ZFR: variants seen among roughly 807,000 people sequenced by gnomAD.
The protein encoded by ZFR is zinc finger RNA binding protein.
A neutral mutation model predicts 130.7 loss-of-function variants in ZFR; 19 were observed. That is an observed-to-expected ratio of 0.15 (90% CI 0.10 to 0.21). ZFR has a LOEUF of 0.21. Ranked by LOEUF, ZFR falls within the 10% of genes least tolerant of loss-of-function variation. The pLI is 1.00. For missense variants in ZFR, 872 were observed against 1,321.5 expected (o/e 0.66, Z 5.27); for synonymous variants, 466 against 456.9 (o/e 1.02, Z -0.25).
intron 4 of ZFR, among the ~76,000 whole-genome samples, chr5:32,415,516 G>GTGTGCA (rs61598066): frequency 1.3e-5 from 1 of 77,200 alleles, no homozygotes; most frequent in Non-Finnish European, 2.5e-5. Context: ...GTGTGTGTGT[G>GTGTGCA]CGCGCGCGCG....
In ZFR at chr5:32,357,880, G is replaced by A. The variant is rs564170038; in HGVS notation, c.3046-1941C>T. Among the ~76,000 whole-genome samples, 229 of 152,230 alleles carry A rather than the reference G, an allele frequency of 1.5e-3. 2 individuals are homozygous for A. The highest frequency in any genetic ancestry group is 5.2e-3 in the African/African-American group (214 of 41,524). On this transcript the variant is annotated intron_variant, in intron 19 of 19. Transcript: ENST00000265069. ...TTTTTCCACTGATTTGAAGCATCAG[G>A]TCTGTCATACATTAATTCCCTTATA...
chr5:32,408,257 G>A (rs1581701902), intron 5 of ZFR, among the ~76,000 whole-genome samples: 1 of 142,806 alleles, frequency 7.0e-6, no homozygotes, highest in East Asian at 2.1e-4. Context: ...TTATAGATCT[G>A]TTCTAAAAAC....
intron 4 of ZFR, among the ~76,000 whole-genome samples, chr5:32,415,528 G>GTGCGCA (rs1326792055): frequency 2.6e-5 from 4 of 151,306 alleles, no homozygotes; most frequent in East Asian, 1.9e-4. Context: ...GCGCGCGCGC[G>GTGCGCA]CGCGCACTAG....
intron 9 of ZFR, among the ~76,000 whole-genome samples, chr5:32,398,242 GA>G (rs1753363372): frequency 6.6e-6 from 1 of 152,190 alleles, no homozygotes; most frequent in South Asian, 2.1e-4. Context: ...AATAGTTACT[GA>G]ATAATTGCTG....
chr5:32,424,116 G>C (rs569281596), intron 2 of ZFR, among the ~76,000 whole-genome samples: 16 of 152,318 alleles, frequency 1.1e-4, no homozygotes, highest in Non-Finnish European at 2.4e-4. Context: ...GGCCCAGAGA[G>C]AAGTGAGTAT....
intron 2 of ZFR, among the ~76,000 whole-genome samples, chr5:32,438,253 A>ATTTTTTTTTTT (rs869249272): frequency 0.022 from 1,346 of 60,838 alleles, 229 homozygotes; most frequent in African/African-American, 0.028. Context: ...TTATCTGAAA[A>ATTTTTTTTTTT]TTTTTTTTTT....
At chr5:32,420,271 C>A (rs1045070359) in intron 2 of ZFR, among the ~76,000 whole-genome samples, 168 bp from the exon 3 acceptor site, 3 of 152,044 alleles carry the variant, frequency 2.0e-5, no homozygotes, top group African/African-American at 7.2e-5. Context: ...TATTCAATAT[C>A]ATATTTATTA....
intron 9 of ZFR, among the ~76,000 whole-genome samples, chr5:32,398,669 C>A (rs990367529): frequency 6.6e-6 from 1 of 152,066 alleles, no homozygotes; most frequent in Admixed American, 6.6e-5. Context: ...ATTCAATACA[C>A]AATTTTTCTT....
intron 17 of ZFR, among the ~76,000 whole-genome samples, chr5:32,369,894 T>A (rs1393865498): frequency 6.6e-6 from 1 of 152,038 alleles, no homozygotes; most frequent in African/African-American, 2.4e-5. Context: ...TTCCAAAACA[T>A]CTCCATTACC....
chr5:32,407,853 T>A (rs1363609678), intron 5 of ZFR, among the ~76,000 whole-genome samples: 1 of 152,182 alleles, frequency 6.6e-6, no homozygotes, highest in Non-Finnish European at 1.5e-5. Context: ...TTCAGTGATT[T>A]ACAGATTTTT....
intron 19 of ZFR, among the ~76,000 whole-genome samples, chr5:32,356,157 T>TA (rs375259767): frequency 3.2e-4 from 47 of 146,960 alleles, no homozygotes; most frequent in East Asian, 5.9e-4. Context: ...AAACATTAAG[T>TA]AAAAAAAAAA....
chr5:32,432,990 C>T (rs1581716923), intron 2 of ZFR, among the ~76,000 whole-genome samples: 3 of 152,124 alleles, frequency 2.0e-5, no homozygotes, highest in Middle Eastern at 3.4e-3. Context: ...CTTCAGCCTC[C>T]CAAAGTGCAG....
chr5:32,401,493 GA>G (rs914447776), intron 8 of ZFR, among the ~76,000 whole-genome samples: 17 of 151,812 alleles, frequency 1.1e-4, no homozygotes, highest in Non-Finnish European at 2.2e-4. Context: ...CGTTTAAAAA[GA>G]AAAAAATAGC....
chr5:32,415,515 T>TGTGTGTGTGTGTGTGTGTGCGC (rs1326041688), intron 4 of ZFR, among the ~76,000 whole-genome samples: 2 of 97,936 alleles, frequency 2.0e-5, no homozygotes, highest in African/African-American at 1.0e-4. Flanking sequence ...TGTGTGTGTG[T>TGTGTGTGTGTGTGTGTGTGCGC]GCGCGCGCGC....
chr5:32,400,212 G>A lies in ZFR; in HGVS notation c.1517-9C>T, dbSNP rs189680514. On this transcript the variant is annotated splice_polypyrimidine_tract_variant and intron_variant, in intron 8 of 19. Transcript: ENST00000265069. Reference sequence around the variant, plus strand: ...CTGCAGCTTATTACCACCTAGAAAAGTATCAAAAAGTTAAAAAAAATTTTA... The same window carrying A: ...CTGCAGCTTATTACCACCTAGAAAAATATCAAAAAGTTAAAAAAAATTTTA... The A allele has an allele frequency of 3.9e-6, 6 of 1,549,258 alleles. No individual in the cohort carries two copies. In the East Asian group the frequency reaches 1.4e-4, roughly 35 times the overall value.
At chr5:32,364,353 G>A (rs1752495060) in intron 17 of ZFR, 78 bp from the exon 18 acceptor site, 1 of 1,180,616 alleles carries the variant, frequency 8.5e-7, no homozygotes, top group Non-Finnish European at 1.2e-6. Flanking sequence ...TTTAAAGACT[G>A]AAAAAATTTT....
chr5:32,435,047 G>A (rs1754304241), intron 2 of ZFR, among the ~76,000 whole-genome samples: 1 of 152,040 alleles, frequency 6.6e-6, no homozygotes, highest in African/African-American at 2.4e-5. Context: ...GCCTCTCGAG[G>A]AGCAGGGACC....
At chr5:32,376,135 C>T (rs540639048) in intron 17 of ZFR, among the ~76,000 whole-genome samples, 6 of 151,952 alleles carry the variant, frequency 3.9e-5, no homozygotes, top group African/African-American at 1.5e-4. Flanking sequence ...AGCCACCATG[C>T]CCAGTTTTAA....
intron 2 of ZFR, among the ~76,000 whole-genome samples, chr5:32,428,189 A>G (rs1442111473): frequency 6.6e-6 from 1 of 152,176 alleles, no homozygotes; most frequent in African/African-American, 2.4e-5. Flanking sequence ...CGAGGTGGGC[A>G]GATCACCTGA....
Sources: gnomAD v4.1 joint callset for allele counts (sites outside exome capture counted in the v4.1 genomes callset) on GRCh38, gnomAD v4.1.1 for gene constraint, MANE v1.5 for transcripts, NCBI Gene and HGNC (gene_info 2026-07-23, HGNC 2026-07-21) for gene names.